CHN2: variants seen among roughly 807,000 people sequenced by gnomAD.
CHN2 encodes beta-chimaerin.
Under a neutral mutation model 56.3 loss-of-function variants are expected in CHN2, and 35 were observed. That is an observed-to-expected ratio of 0.62 (90% CI 0.47 to 0.82). CHN2 has a LOEUF of 0.82. Among genes scored for constraint, CHN2 ranks in the 40% least tolerant of loss-of-function variants. The pLI, the probability that CHN2 is intolerant of heterozygous loss-of-function variation, is 0.00. For synonymous variants in CHN2, 210 were observed against 212.8 expected, an observed-to-expected ratio of 0.99 and a Z score of 0.12; for missense variants, 491 against 580.5, an observed-to-expected ratio of 0.85 and a Z score of 1.58.
intron 1 of CHN2, among the ~76,000 whole-genome samples, chr7:29,287,911 A>C (rs1182599148): frequency 6.6e-6 from 1 of 152,116 alleles, no homozygotes; most frequent in Non-Finnish European, 1.5e-5. Flanking sequence ...ATTTGTTTGC[A>C]ATTTGGTCTT....
chr7:29,182,932 A>G (rs1025728408), intron 2 of CHN2, among the ~76,000 whole-genome samples: 1 of 152,190 alleles, frequency 6.6e-6, no homozygotes, highest in African/African-American at 2.4e-5. Context: ...ATAAACACTC[A>G]GCTGGATTCT....
At chr7:29,263,041 C>T (rs10262623) in intron 1 of CHN2, among the ~76,000 whole-genome samples, 66,368 of 151,986 alleles carry the variant, frequency 0.44, 15,081 homozygotes, top group East Asian at 0.85. Context: ...TTTGCACGGT[C>T]CTCGTCTCCC....
At chr7:29,375,422 C>T (rs1365760405) in intron 3 of CHN2, among the ~76,000 whole-genome samples, 1 of 151,952 alleles carries the variant, frequency 6.6e-6, no homozygotes, top group Non-Finnish European at 1.5e-5. Context: ...TCTTGAACTC[C>T]TGACCTCAAG....
intron 2 of CHN2, among the ~76,000 whole-genome samples, chr7:29,182,635 G>C (rs974035804): frequency 6.6e-6 from 1 of 152,020 alleles, no homozygotes; most frequent in Non-Finnish European, 1.5e-5. Flanking sequence ...ACACAATTAC[G>C]TACACTCATG....
chr7:29,494,655 T>G lies in CHN2; in HGVS notation c.655-1297T>G, dbSNP rs79267929. 2.3e-3 allele frequency among the ~76,000 whole-genome samples: 357 copies of G among 152,328 alleles called. 1 individual carries two copies. The highest frequency in any genetic ancestry group is 6.8e-3 in the Middle Eastern group (2 of 294). On this transcript the variant is annotated intron_variant, in intron 7 of 12. Transcript: ENST00000222792. ...AACTATATAATAGGCAGTTTGCATA[T>G]GATAAACTGAAATACCAGAAAGACT...
At chr7:29,511,807 G>GTGAAAACAAAACTCTTAAAT (rs1791459580) in intron 12 of CHN2, among the ~76,000 whole-genome samples, 1 of 152,054 alleles carries the variant, frequency 6.6e-6, no homozygotes, top group African/African-American at 2.4e-5. Flanking sequence ...AAAACTTAAA[G>GTGAAAACAAAACTCTTAAAT]TTGTGAAAAC....
At chr7:29,304,303 C>T (rs921502870) in intron 1 of CHN2, among the ~76,000 whole-genome samples, 13 of 152,114 alleles carry the variant, frequency 8.5e-5, no homozygotes, top group Non-Finnish European at 1.5e-4. Flanking sequence ...CCTTGGCATC[C>T]CCAGGAGATT....
chr7:29,152,219 G>T (rs1459900401), intron 2 of CHN2, among the ~76,000 whole-genome samples: 1 of 152,204 alleles, frequency 6.6e-6, no homozygotes, highest in East Asian at 1.9e-4. Context: ...GAATGCTCAA[G>T]CAATTGCATA....
In CHN2 at chr7:29,194,837, T is replaced by A; in HGVS notation, c.-105T>A. ...TGCTTTCTGCGCGTCCCCAGGACTT[T>A]GCCATGGGCTGGGGGCCGCGGAGGC... On this transcript the variant is annotated 5_prime_UTR_variant, in exon 1 of 13. Transcript: ENST00000222792. The A allele has an allele frequency of 2.8e-6, 3 of 1,081,732 alleles. No individual in the cohort carries two copies. Among genetic ancestry groups the A allele is most frequent in the Non-Finnish European group, 3.6e-6 (3 of 823,730 alleles). 67.0% of individuals were successfully genotyped at this position (1,081,732 alleles called of 1,614,324 possible). A position where few individuals can be genotyped will look rare whatever the true frequency, so the allele number is the denominator to read the frequency against.
intron 2 of CHN2, among the ~76,000 whole-genome samples, chr7:29,366,257 G>A (rs953457919): frequency 2.0e-5 from 3 of 151,888 alleles, no homozygotes; most frequent in African/African-American, 4.9e-5. Flanking sequence ...TAAATGAAGC[G>A]TTAGGGGTGG....
At chr7:29,347,171 G>T (rs540183531) in intron 1 of CHN2, among the ~76,000 whole-genome samples, 2 of 152,092 alleles carry the variant, frequency 1.3e-5, no homozygotes, top group Non-Finnish European at 2.9e-5. Flanking sequence ...GTGGGGAAAT[G>T]GGCATTCTTG....
At chr7:29,311,117 T>C (rs888489094) in intron 1 of CHN2, among the ~76,000 whole-genome samples, 2 of 152,206 alleles carry the variant, frequency 1.3e-5, no homozygotes, top group Admixed American at 1.3e-4. Flanking sequence ...TGTAGATTCA[T>C]TGTAGATTCA....
intron 1 of CHN2, among the ~76,000 whole-genome samples, chr7:29,293,991 C>G (rs566878362): frequency 2.8e-4 from 42 of 151,742 alleles, no homozygotes; most frequent in African/African-American, 1.0e-3. Flanking sequence ...CTCAGCCTCC[C>G]GAGTAGCTGG....
chr7:29,220,827 A>G (rs552019326), intron 1 of CHN2, among the ~76,000 whole-genome samples: 27 of 152,338 alleles, frequency 1.8e-4, no homozygotes, highest in African/African-American at 6.0e-4. Context: ...AAGTCTGACA[A>G]GAACTTACTA....
chr7:29,146,702 G>A, exon 1 of CHN2: 1 of 1,550,612 alleles, frequency 6.4e-7, no homozygotes, highest in Non-Finnish European at 8.7e-7. Context: ...CCCCAGGGTG[G>A]AATCTTAAAA....
At chr7:29,303,286 A>G (rs1472327533) in intron 1 of CHN2, among the ~76,000 whole-genome samples, 2 of 152,214 alleles carry the variant, frequency 1.3e-5, no homozygotes, top group Non-Finnish European at 2.9e-5. Context: ...GGCAGGCTGC[A>G]TAAGCCTTAT....
At chr7:29,297,366 A>G (rs114318666) in intron 1 of CHN2, among the ~76,000 whole-genome samples, 37 of 152,262 alleles carry the variant, frequency 2.4e-4, no homozygotes, top group African/African-American at 8.2e-4. Context: ...TAGAAAGGAT[A>G]AGGATGAAGA....
chr7:29,328,973 T>C (rs1328690891), intron 1 of CHN2, among the ~76,000 whole-genome samples: 2 of 152,148 alleles, frequency 1.3e-5, no homozygotes, highest in Admixed American at 6.5e-5. Context: ...TAAAAATCAT[T>C]TGGGGCACCA....
chr7:29,219,970 G>T (rs898485989), intron 1 of CHN2, among the ~76,000 whole-genome samples: 13 of 152,080 alleles, frequency 8.5e-5, no homozygotes, highest in Non-Finnish European at 1.3e-4. Context: ...AGCTACTCGG[G>T]AGGCTGAGGC....
Sources: allele counts gnomAD v4.1 joint callset (sites outside exome capture counted in the v4.1 genomes callset), GRCh38; gene constraint gnomAD v4.1.1; transcripts MANE v1.5; gene names NCBI Gene and HGNC (gene_info 2026-07-23, HGNC 2026-07-21).